Variants in CDH18 observed in about 807,000 individuals in gnomAD.
CDH18 encodes the protein cadherin 18, also known as cadherin-18.
Under a neutral mutation model 67.9 loss-of-function variants are expected in CDH18, and 31 were observed. That is an observed-to-expected ratio of 0.46 (90% CI 0.34 to 0.62). CDH18 has a LOEUF of 0.62. Ranked by LOEUF, CDH18 falls within the 20% of genes least tolerant of loss-of-function variation. The probability of loss-of-function intolerance (pLI) is 0.01; values close to 1 mark genes in which losing one functional copy is unlikely to be tolerated. For missense variants in CDH18, 890 were observed against 975.5 expected, an observed-to-expected ratio of 0.91 and a Z score of 1.17; for synonymous variants, 362 against 347.2, an observed-to-expected ratio of 1.04 and a Z score of -0.48.
At chr5:19,922,621 G>A (rs758935362) in intron 2 of CDH18, among the ~76,000 whole-genome samples, 8 of 152,132 alleles carry the variant, frequency 5.3e-5, no homozygotes, top group Non-Finnish European at 1.2e-4. Flanking sequence ...TAAAATCACT[G>A]AGCTGCTATG....
At chr5:20,155,989 C>T (rs1460175736) in intron 2 of CDH18, among the ~76,000 whole-genome samples, 4 of 152,046 alleles carry the variant, frequency 2.6e-5, no homozygotes, top group African/African-American at 9.7e-5. Context: ...AAATACGCAA[C>T]ATCACTTATC....
At chr5:20,115,196 G>A (rs1022015809) in intron 2 of CDH18, among the ~76,000 whole-genome samples, 2 of 146,324 alleles carry the variant, frequency 1.4e-5, no homozygotes, top group Non-Finnish European at 3.0e-5. Context: ...GATGGAAAAA[G>A]AGCAAGCTCT....
At chr5:19,516,538 G>A (rs1442058820) in intron 10 of CDH18, among the ~76,000 whole-genome samples, 1 of 152,078 alleles carries the variant, frequency 6.6e-6, no homozygotes, top group East Asian at 1.9e-4. Context: ...GCTGTTATTG[G>A]TCTATTCAGC....
chr5:19,678,246 C>CAAA (rs397736814), intron 5 of CDH18, among the ~76,000 whole-genome samples: 3 of 141,996 alleles, frequency 2.1e-5, no homozygotes, highest in African/African-American at 2.6e-5. Flanking sequence ...CTCAGCAAAT[C>CAAA]AAAAAAAAAA....
chr5:20,004,539 G>A (rs754663546), intron 2 of CDH18, among the ~76,000 whole-genome samples: 2 of 152,122 alleles, frequency 1.3e-5, no homozygotes, highest in African/African-American at 4.8e-5. Context: ...ATATGAATAG[G>A]CCACCAACGA....
intron 8 of CDH18, among the ~76,000 whole-genome samples, chr5:19,553,675 C>A (rs1737865816): frequency 1.5e-5 from 2 of 132,946 alleles, no homozygotes; most frequent in Admixed American, 8.6e-5. Flanking sequence ...GGGTATTGCT[C>A]TGTCACCCAG....
chr5:19,481,243 A>T (rs1411454457), intron 12 of CDH18, among the ~76,000 whole-genome samples: 1 of 152,114 alleles, frequency 6.6e-6, no homozygotes, highest in Non-Finnish European at 1.5e-5. Flanking sequence ...CTTGCTGGGC[A>T]ACTTGAATGA....
At chr5:20,164,251 A>G (rs1213352841) in intron 2 of CDH18, among the ~76,000 whole-genome samples, 2 of 152,142 alleles carry the variant, frequency 1.3e-5, no homozygotes, top group African/African-American at 2.4e-5. Flanking sequence ...TTTCTTAAAT[A>G]TCTTTCTAAA....
chr5:19,993,008 CAA>C (rs1800066654), upstream of CDH18, among the ~76,000 whole-genome samples: 1 of 152,234 alleles, frequency 6.6e-6, no homozygotes, highest in African/African-American at 2.4e-5. Context: ...TGTAGAGCTC[CAA>C]CTCCAAACCT....
chr5:19,831,863 C>T lies in CDH18; in HGVS notation c.228+6896G>A, dbSNP rs560980369. Among the ~76,000 whole-genome samples the T allele has an allele frequency of 5.9e-5, 9 of 152,072 alleles. No homozygotes were observed. In the South Asian group the frequency reaches 1.9e-3, roughly 32 times the overall value. On this transcript the variant is annotated intron_variant, in intron 3 of 12. Coordinates refer to ENST00000382275, the MANE Select transcript of CDH18 (RefSeq NM_004934.5). Reference sequence around the variant, plus strand: ...GACATGGATTCAATAACTTAGGTGTCCCTCAATGGTGGATTAAATAAAGAA... The same window carrying T: ...GACATGGATTCAATAACTTAGGTGTTCCTCAATGGTGGATTAAATAAAGAA...
chr5:19,936,423 T>C (rs1486913331), intron 2 of CDH18, among the ~76,000 whole-genome samples: 1 of 151,292 alleles, frequency 6.6e-6, no homozygotes. Flanking sequence ...TCCTTTAACC[T>C]GAACTACTCT....
At chr5:19,752,208 T>C (rs1044638755) in intron 3 of CDH18, among the ~76,000 whole-genome samples, 3 of 152,126 alleles carry the variant, frequency 2.0e-5, no homozygotes, top group Admixed American at 6.5e-5. Context: ...GCAAATCCTG[T>C]GTGTAGACTC....
chr5:19,938,634 T>G (rs1794520782), intron 2 of CDH18, among the ~76,000 whole-genome samples: 1 of 151,638 alleles, frequency 6.6e-6, no homozygotes, highest in Non-Finnish European at 1.5e-5. Context: ...TTCTACTTCA[T>G]GCTTTGTTCC....
chr5:19,626,768 G>T (rs1277043347), intron 5 of CDH18, among the ~76,000 whole-genome samples: 2 of 151,958 alleles, frequency 1.3e-5, no homozygotes, highest in Non-Finnish European at 2.9e-5. Context: ...TAATTGCTGA[G>T]GAAAATTAAA....
chr5:20,262,348 T>C lies in CDH18; in HGVS notation c.-579-6843A>G, dbSNP rs72745004. On this transcript the variant is annotated intron_variant, in intron 1 of 14. Transcript: ENST00000507958. The stretch of plus-strand genomic sequence containing the variant: ...CAATAACTAGGTCAGTCCTCTTCAA[T>C]ATGTTTTCACAATGTTGGAAGGGAC... Among the ~76,000 whole-genome samples the C allele has an allele frequency of 7.8e-3, 1,186 of 152,348 alleles. 14 individuals carry two copies. Among genetic ancestry groups the C allele is most frequent in the Middle Eastern group, 0.027 (8 of 294 alleles).
At chr5:20,390,888 CA>C (rs1264534191) in intron 1 of CDH18, among the ~76,000 whole-genome samples, 1 of 151,628 alleles carries the variant, frequency 6.6e-6, no homozygotes, top group Non-Finnish European at 1.5e-5. Context: ...ATCACAAGGA[CA>C]AAAAACCAAA....
intron 2 of CDH18, among the ~76,000 whole-genome samples, chr5:20,113,030 T>C (rs1747606864): frequency 6.6e-6 from 1 of 152,236 alleles, no homozygotes; most frequent in Non-Finnish European, 1.5e-5. Context: ...TTACAATCAT[T>C]GTTTCTTCTC....
In CDH18 at chr5:20,235,800, T is replaced by G. The variant is rs75952797; in HGVS notation, c.-518+19644A>C. Among the ~76,000 whole-genome samples the G allele has an allele frequency of 1.7e-3, 260 of 152,302 alleles. 2 individuals carry two copies. Among genetic ancestry groups the G allele is most frequent in the African/African-American group, 6.1e-3 (252 of 41,578 alleles). On this transcript the variant is annotated intron_variant, in intron 2 of 14. Coordinates refer to the CDH18 transcript ENST00000507958. ...TATACACCCAAAGAAAATTAAATTG[T>G]TCTACCAAAATGACACACATACCTG... is the stretch of plus-strand genomic sequence containing the variant.
Position 19,612,416 on chromosome 5 carries a change from T to C in CDH18, c.811+18A>G, listed in dbSNP as rs770239977. ...AAGAGATAATGATAAATTCAAATCA[T>C]GGAAAACAAATACGTACTTTGAGGA... On this transcript the variant is annotated intron_variant, in intron 6 of 12. Coordinates refer to ENST00000382275, the MANE Select transcript of CDH18 (RefSeq NM_004934.5). The C allele has an allele frequency of 2.5e-6, 4 of 1,611,446 alleles. No homozygotes were observed. The highest frequency in any genetic ancestry group is 2.2e-5 in the East Asian group (1 of 44,848).
Sources: allele counts gnomAD v4.1 joint callset (sites outside exome capture counted in the v4.1 genomes callset), GRCh38; gene constraint gnomAD v4.1.1; transcripts MANE v1.5; gene names NCBI Gene and HGNC (gene_info 2026-07-23, HGNC 2026-07-21).